NDFIP1: variants seen among roughly 807,000 people sequenced by gnomAD.
NDFIP1 encodes the protein Nedd4 family interacting protein 1, also known as NEDD4 family-interacting protein 1.
A neutral mutation model predicts 28.8 loss-of-function variants in NDFIP1; 7 were observed. That is an observed-to-expected ratio of 0.24 (90% CI 0.14 to 0.46). The LOEUF (loss-of-function observed/expected upper bound fraction) is 0.46, where lower values mean the gene tolerates loss of function less well. NDFIP1 is among the 20% of genes least tolerant of loss of function. NDFIP1 has a pLI of 0.99. For synonymous variants in NDFIP1, 92 were observed against 101.0 expected, an observed-to-expected ratio of 0.91 and a Z score of 0.53; for missense variants, 194 against 269.1, an observed-to-expected ratio of 0.72 and a Z score of 1.95.
At chr5:142,144,413 G>A (rs540311864) in intron 6 of NDFIP1, 158 bp from the exon 7 acceptor site, 157 of 592,570 alleles carry the variant, frequency 2.6e-4, no homozygotes, top group Non-Finnish European at 4.3e-4. Flanking sequence ...GGATAATTTG[G>A]TATGAAAATC....
chr5:142,142,464 TGAATGGACCAAAGAG>T, intron 6 of NDFIP1, among the ~76,000 whole-genome samples: 1 of 152,272 alleles, frequency 6.6e-6, no homozygotes, highest in Admixed American at 6.5e-5. Context: ...AGTCAAATCC[TGAATGGACCAAAGAG>T]GAGCCCTTAA....
At chr5:142,137,668 G>A in intron 4 of NDFIP1, 66 bp from the exon 5 acceptor site, 1 of 1,585,132 alleles carries the variant, frequency 6.3e-7, no homozygotes. Flanking sequence ...AGAGGCAGGT[G>A]TAAGGCACTC....
Position 142,108,929 on chromosome 5 carries a change from C to T in NDFIP1, c.-46C>T, listed in dbSNP as rs1377128341. On this transcript the variant is annotated 5_prime_UTR_variant, in exon 1 of 8. Transcript: ENST00000253814. The stretch of plus-strand genomic sequence containing the variant: ...CCAAGCCGCAGCGGCCGCGCCCCTT[C>T]AGCTAGCTCGCTCGCTCGCTCTGCT... 1 of 1,408,882 alleles carries T rather than the reference C, an allele frequency of 7.1e-7. No homozygotes were observed. Among genetic ancestry groups the T allele is most frequent in the Non-Finnish European group, 9.2e-7 (1 of 1,081,414 alleles). 87.3% of individuals were successfully genotyped at this position (1,408,882 alleles called of 1,614,324 possible).
intron 1 of NDFIP1, among the ~76,000 whole-genome samples, chr5:142,131,486 G>T (rs935364867): frequency 6.6e-6 from 1 of 152,198 alleles, no homozygotes; most frequent in African/African-American, 2.4e-5. Flanking sequence ...TGTTGGCCAG[G>T]ATGGCAAAAT....
rs1255324815 is a variant in NDFIP1 at position 142,135,603 on chromosome 5, C to T, written c.283-127C>T. 4 of 665,662 alleles carry T rather than the reference C, an allele frequency of 6.0e-6. No individual in the cohort carries two copies. In the African/African-American group the frequency reaches 7.3e-5, roughly 12 times the overall value. 41.2% of individuals were successfully genotyped at this position (665,662 alleles called of 1,614,324 possible). ...AATGGAATTTTAAACACACATTGAG[C>T]CTTTAATGCTCATAATTTTGAACTG... is the stretch of plus-strand genomic sequence containing the variant. On this transcript the variant is annotated intron_variant, in intron 3 of 7. Coordinates refer to ENST00000253814, the MANE Select transcript of NDFIP1 (RefSeq NM_030571.4).
At chr5:142,115,742 G>A (rs937360833) in intron 1 of NDFIP1, among the ~76,000 whole-genome samples, 5 of 152,030 alleles carry the variant, frequency 3.3e-5, no homozygotes. Context: ...TTTTGGGCTT[G>A]ACATACTTTC....
intron 1 of NDFIP1, among the ~76,000 whole-genome samples, chr5:142,109,525 C>T (rs1037802214): frequency 6.6e-6 from 1 of 152,182 alleles, no homozygotes; most frequent in African/African-American, 2.4e-5. Flanking sequence ...CGAAACCCAT[C>T]CCCCTCGCCT....
chr5:142,132,464 A>C, intron 3 of NDFIP1, 122 bp downstream of exon 3: 2 of 1,243,756 alleles, frequency 1.6e-6, no homozygotes, highest in Non-Finnish European at 2.2e-6. Flanking sequence ...TAATTTTAAA[A>C]ATCAGGTACA....
intron 1 of NDFIP1, among the ~76,000 whole-genome samples, chr5:142,117,926 C>T (rs752437336): frequency 2.6e-5 from 4 of 151,976 alleles, no homozygotes; most frequent in Non-Finnish European, 5.9e-5. Context: ...AGATGGGTTC[C>T]TGCTATGTTG....
At chr5:142,131,691 A>C in intron 1 of NDFIP1, 117 bp from the exon 2 acceptor site, 1 of 678,334 alleles carries the variant, frequency 1.5e-6, no homozygotes, top group South Asian at 3.0e-5. Context: ...GTGCATTTCA[A>C]GGCTTTCAAA....
At position 142,152,035 on chromosome 5, in the gene NDFIP1, C is replaced by T. The variant is rs1757451590; in HGVS notation, c.*307C>T. 1 of 152,674 alleles carries T rather than the reference C, an allele frequency of 6.5e-6. No individual in the cohort carries two copies. The highest frequency in any genetic ancestry group is 1.5e-5 in the Non-Finnish European group (1 of 68,016). The allele number at this position is 152,674 out of a possible 1,614,324, so 9.5% of individuals were successfully genotyped here. ...TTGTAGTCATTTTAAGTAGCATGAG[C>T]CATGTCCCTGTAGTCGGTAGGGGGC... On this transcript the variant is annotated 3_prime_UTR_variant, in exon 8 of 8. Coordinates refer to ENST00000253814, the MANE Select transcript of NDFIP1 (RefSeq NM_030571.4).
intron 5 of NDFIP1, among the ~76,000 whole-genome samples, chr5:142,140,299 T>C (rs1223321301): frequency 6.6e-6 from 1 of 151,940 alleles, no homozygotes; most frequent in Non-Finnish European, 1.5e-5. Flanking sequence ...AAATATAAAG[T>C]TAGCCAGGCA....
chr5:142,134,470 C>T (rs1470344816), intron 3 of NDFIP1, among the ~76,000 whole-genome samples: 1 of 152,070 alleles, frequency 6.6e-6, no homozygotes, highest in Admixed American at 6.5e-5. Flanking sequence ...ATAGAAATTT[C>T]AAACAATAGA....
intron 3 of NDFIP1, among the ~76,000 whole-genome samples, chr5:142,133,594 A>C (rs940638515): frequency 6.6e-6 from 1 of 152,234 alleles, no homozygotes; most frequent in African/African-American, 2.4e-5. Flanking sequence ...GATCTGTTGC[A>C]ATATATGGTA....
At chr5:142,137,694 A>G in intron 4 of NDFIP1, 40 bp from the exon 5 acceptor site, 2 of 1,608,324 alleles carry the variant, frequency 1.2e-6, no homozygotes, top group Admixed American at 1.7e-5. Flanking sequence ...CTTGGGTAAC[A>G]GGACATGTCT....
intron 7 of NDFIP1, among the ~76,000 whole-genome samples, chr5:142,149,113 T>C (rs1255137699): frequency 6.6e-6 from 1 of 152,182 alleles, no homozygotes; most frequent in East Asian, 1.9e-4. Flanking sequence ...ATTAATGAGC[T>C]AGGGCCTTCA....
intron 1 of NDFIP1, among the ~76,000 whole-genome samples, chr5:142,130,576 C>T (rs1187099241): frequency 6.6e-6 from 1 of 151,790 alleles, no homozygotes; most frequent in Non-Finnish European, 1.5e-5. Context: ...GTCTGGGCAA[C>T]ACAGGAAGAC....
chr5:142,129,734 C>T (rs1757206649), intron 1 of NDFIP1, among the ~76,000 whole-genome samples: 1 of 151,696 alleles, frequency 6.6e-6, no homozygotes, highest in South Asian at 2.1e-4. Context: ...TGAGACGAGC[C>T]TGGCCCACGT....
chr5:142,142,940 A>AACAAATAT (rs60076432), intron 6 of NDFIP1: 1 of 38,148 alleles, frequency 2.6e-5, no homozygotes, highest in Non-Finnish European at 4.4e-5. Context: ...AAAAAAAAAA[A>AACAAATAT]ATATATATAT....
Sources: gnomAD v4.1 joint callset for allele counts (sites outside exome capture counted in the v4.1 genomes callset) on GRCh38, gnomAD v4.1.1 for gene constraint, MANE v1.5 for transcripts, NCBI Gene and HGNC (gene_info 2026-07-23, HGNC 2026-07-21) for gene names.